TRABD2B: variants seen among roughly 807,000 people sequenced by gnomAD.
TRABD2B encodes TraB domain containing 2B, also known as metalloprotease TIKI2.
In TRABD2B, 14 loss-of-function variants were observed where a neutral mutation model predicts 40.1. That is an observed-to-expected ratio of 0.35 (90% CI 0.23 to 0.55). The LOEUF (loss-of-function observed/expected upper bound fraction) is 0.55, where lower values mean the gene tolerates loss of function less well. TRABD2B is among the 20% of genes least tolerant of loss of function. The pLI, the probability that TRABD2B is intolerant of heterozygous loss-of-function variation, is 0.90. For missense variants in TRABD2B, 541 were observed against 648.6 expected, an observed-to-expected ratio of 0.83 and a Z score of 1.80; for synonymous variants, 263 against 277.0, an observed-to-expected ratio of 0.95 and a Z score of 0.50.
intron 2 of TRABD2B, among the ~76,000 whole-genome samples, chr1:47,929,957 G>T (rs1252653252): frequency 6.6e-6 from 1 of 152,158 alleles, no homozygotes; most frequent in African/African-American, 2.4e-5. Context: ...TATGAAAAGA[G>T]GTGGTTACGT....
At chr1:47,831,812 C>CTCTT (rs1645253843) in intron 2 of TRABD2B, among the ~76,000 whole-genome samples, 1 of 152,190 alleles carries the variant, frequency 6.6e-6, no homozygotes, top group Non-Finnish European at 1.5e-5. Flanking sequence ...GAGCACCTGG[C>CTCTT]TCTTTCTCCT....
In TRABD2B at chr1:47,771,608, G is replaced by T. The variant is rs539940788; in HGVS notation, c.1349+3562C>A. 8.6e-4 allele frequency among the ~76,000 whole-genome samples: 131 copies of T among 152,196 alleles called. 1 individual carries two copies. The highest frequency in any genetic ancestry group is 1.6e-3 in the Non-Finnish European group (109 of 68,026). On this transcript the variant is annotated intron_variant, in intron 6 of 6. Transcript: ENST00000606738. ...AACTGCACAAAAGGAGAAACAGAAG[G>T]AGTAGTACAGGTCCCACGCTGCACA...
At chr1:47,884,789 T>A (rs1429509382) in intron 2 of TRABD2B, among the ~76,000 whole-genome samples, 1 of 152,026 alleles carries the variant, frequency 6.6e-6, no homozygotes, top group East Asian at 1.9e-4. Flanking sequence ...CTAATTTTTG[T>A]ATTTTTAGTA....
At chr1:47,835,139 A>G (rs958799589) in intron 2 of TRABD2B, among the ~76,000 whole-genome samples, 6 of 152,206 alleles carry the variant, frequency 3.9e-5, no homozygotes, top group Non-Finnish European at 7.3e-5. Context: ...GTATAGTTGA[A>G]AAGTACAATA....
chr1:47,879,916 C>T (rs983250366), intron 2 of TRABD2B, among the ~76,000 whole-genome samples: 1 of 152,202 alleles, frequency 6.6e-6, no homozygotes, highest in Non-Finnish European at 1.5e-5. Flanking sequence ...CGTGCTTTCT[C>T]CCTCCCATTT....
intron 2 of TRABD2B, chr1:47,819,253 T>C (rs1255134880): frequency 6.6e-6 from 1 of 152,214 alleles, no homozygotes; most frequent in Non-Finnish European, 1.5e-5. Context: ...CTCCAGTCGC[T>C]CCAGGGCGGG....
At chr1:47,885,292 G>A (rs1484484277) in intron 2 of TRABD2B, among the ~76,000 whole-genome samples, 2 of 152,174 alleles carry the variant, frequency 1.3e-5, no homozygotes, top group Non-Finnish European at 2.9e-5. Flanking sequence ...CCTCCTCCAG[G>A]AAGCCCTCGC....
chr1:47,921,048 T>G lies in TRABD2B; in HGVS notation c.666+72986A>C, dbSNP rs150203803. Among the ~76,000 whole-genome samples, 1,084 of 152,320 alleles carry G rather than the reference T, an allele frequency of 7.1e-3. 23 individuals are homozygous for G. The highest frequency in any genetic ancestry group is 0.025 in the African/African-American group (1,047 of 41,556). The stretch of plus-strand genomic sequence containing the variant: ...TTAGAAACACCTTTGAGGTTTGCAC[T>G]CTCAACTTGCTGCACCATACTTGGC... On this transcript the variant is annotated intron_variant, in intron 2 of 6. Coordinates refer to ENST00000606738, the MANE Select transcript of TRABD2B (RefSeq NM_001194986.2).
At chr1:47,786,973 G>A (rs1644604415) in intron 4 of TRABD2B, among the ~76,000 whole-genome samples, 1 of 152,162 alleles carries the variant, frequency 6.6e-6, no homozygotes, top group African/African-American at 2.4e-5. Context: ...CCAAAGTGCT[G>A]GGACTACAAA....
At chr1:47,943,757 AACACACACAC>A (rs10554684) in intron 2 of TRABD2B, among the ~76,000 whole-genome samples, 3,979 of 146,806 alleles carry the variant, frequency 0.027, 77 homozygotes, top group Non-Finnish European at 0.039. Flanking sequence ...GCATCCAGAA[AACACACACAC>A]ACACACACAC....
intron 2 of TRABD2B, among the ~76,000 whole-genome samples, chr1:47,880,319 A>G (rs1644284327): frequency 6.6e-6 from 1 of 152,128 alleles, no homozygotes; most frequent in Non-Finnish European, 1.5e-5. Flanking sequence ...CGGTCTCCCC[A>G]CCAAAAAAAA....
intron 2 of TRABD2B, among the ~76,000 whole-genome samples, chr1:47,875,593 G>A (rs961633686): frequency 1.3e-5 from 2 of 150,116 alleles, no homozygotes; most frequent in African/African-American, 4.9e-5. Context: ...AGGCTGAGGT[G>A]GGGGCATCAC....
At chr1:47,974,964 C>T (rs538841509) in intron 2 of TRABD2B, among the ~76,000 whole-genome samples, 122 of 152,250 alleles carry the variant, frequency 8.0e-4, no homozygotes, top group Admixed American at 1.6e-3. Flanking sequence ...CAGACAAATC[C>T]CTATGGAGGG....
At chr1:47,968,493 C>T (rs1413942074) in intron 2 of TRABD2B, among the ~76,000 whole-genome samples, 1 of 152,162 alleles carries the variant, frequency 6.6e-6, no homozygotes, top group African/African-American at 2.4e-5. Context: ...AACGGTTACT[C>T]CAGAGTCATT....
chr1:47,864,356 C>T (rs1261565806), intron 2 of TRABD2B, among the ~76,000 whole-genome samples: 1 of 151,918 alleles, frequency 6.6e-6, no homozygotes, highest in Non-Finnish European at 1.5e-5. Context: ...AACAAATGAA[C>T]CACCCTGGTG....
chr1:47,856,043 TGAG>T (rs1643886601), intron 2 of TRABD2B, among the ~76,000 whole-genome samples: 1 of 152,108 alleles, frequency 6.6e-6, no homozygotes, highest in African/African-American at 2.4e-5. Flanking sequence ...AAGAGAGATG[TGAG>T]GAGAGGAGAA....
chr1:47,980,396 T>C (rs1362680337), intron 2 of TRABD2B, among the ~76,000 whole-genome samples: 2 of 152,148 alleles, frequency 1.3e-5, no homozygotes, highest in African/African-American at 4.8e-5. Flanking sequence ...ACAGCAAGAA[T>C]ACAGGCTCAT....
intron 2 of TRABD2B, among the ~76,000 whole-genome samples, chr1:47,842,964 C>T (rs1645419041): frequency 6.6e-6 from 1 of 152,102 alleles, no homozygotes; most frequent in African/African-American, 2.4e-5. Context: ...GCTAAGAGAG[C>T]TGTCCTGGGG....
chr1:47,884,352 C>A (rs554715999), intron 2 of TRABD2B, among the ~76,000 whole-genome samples: 3 of 152,326 alleles, frequency 2.0e-5, no homozygotes, highest in African/African-American at 7.2e-5. Context: ...CTGAGGCCCC[C>A]AGCAGATCTG....
Sources: allele counts gnomAD v4.1 joint callset (sites outside exome capture counted in the v4.1 genomes callset), GRCh38; gene constraint gnomAD v4.1.1; transcripts MANE v1.5; gene names NCBI Gene and HGNC (gene_info 2026-07-23, HGNC 2026-07-21).